Variants in ASPRV1 observed in about 807,000 individuals in gnomAD.
The protein encoded by ASPRV1 is aspartic peptidase retroviral like 1, also known as retroviral-like aspartic protease 1.
ASPRV1 carries 7 observed loss-of-function variants against 11.0 expected under a neutral mutation model. The ratio of observed to expected loss-of-function variants is 0.64; its 90% CI spans 0.36 to 1.20. ASPRV1 has a LOEUF of 1.20. Ranked by LOEUF, ASPRV1 falls within the 50% of genes most tolerant of loss-of-function variation. The probability of loss-of-function intolerance (pLI) is 0.02; values close to 1 mark genes in which losing one functional copy is unlikely to be tolerated. For missense variants in ASPRV1, 299 were observed against 320.0 expected (o/e 0.93, Z 0.50); for synonymous variants, 136 against 138.4 (o/e 0.98, Z 0.12).
the ASPRV1 span, chr2:70,018,029 A>G: frequency 6.6e-6 from 1 of 151,956 alleles, no homozygotes; most frequent in Non-Finnish European, 1.5e-5. Flanking sequence ...AGTCCCGGCT[A>G]CTCAGGAGGC....
At chr2:69,979,256 A>G in the ASPRV1 span, among the ~76,000 whole-genome samples, 1 of 152,086 alleles carries the variant, frequency 6.6e-6, no homozygotes, top group Non-Finnish European at 1.5e-5. Context: ...GATGGTCTCA[A>G]TCTCCTGACC....
the ASPRV1 span, among the ~76,000 whole-genome samples, chr2:70,032,595 C>T: frequency 6.6e-6 from 1 of 151,986 alleles, no homozygotes; most frequent in Non-Finnish European, 1.5e-5. Context: ...GAGGTTAAGG[C>T]TACAGTAAGC....
chr2:70,024,637 C>T, the ASPRV1 span, among the ~76,000 whole-genome samples: 26 of 152,312 alleles, frequency 1.7e-4, no homozygotes, highest in South Asian at 3.1e-3. Flanking sequence ...CTTCTTCTCC[C>T]TCTTTCTCAA....
the ASPRV1 span, chr2:70,011,743 A>G: frequency 6.6e-6 from 1 of 152,308 alleles, no homozygotes; most frequent in East Asian, 1.9e-4. Context: ...GAGATTTGGG[A>G]GCTGTCAGCC....
the ASPRV1 span, among the ~76,000 whole-genome samples, chr2:70,040,843 C>T: frequency 2.0e-3 from 307 of 152,222 alleles, 1 homozygote; most frequent in African/African-American, 7.1e-3. Context: ...CAAAACTAAA[C>T]TAAACTAAAC....
At chr2:69,994,859 G>A in the ASPRV1 span, among the ~76,000 whole-genome samples, 14 of 151,370 alleles carry the variant, frequency 9.2e-5, no homozygotes, top group Non-Finnish European at 1.6e-4. Flanking sequence ...AAAATTAGCT[G>A]GGCGTGGTGG....
chr2:70,083,520 T>C, the ASPRV1 span: 1 of 152,198 alleles, frequency 6.6e-6, no homozygotes, highest in Non-Finnish European at 1.5e-5. Flanking sequence ...CTTAGCCTTG[T>C]TAAACCCCTC....
chr2:70,048,261 A>T, the ASPRV1 span, among the ~76,000 whole-genome samples: 10 of 150,136 alleles, frequency 6.7e-5, no homozygotes, highest in African/African-American at 2.2e-4. Flanking sequence ...TAAAAATACA[A>T]AAAATTAGCC....
chr2:69,971,080 T>G, the ASPRV1 span: 1 of 152,256 alleles, frequency 6.6e-6, no homozygotes, highest in South Asian at 2.1e-4. Flanking sequence ...GGCAGGAGAA[T>G]TGCTTGAACC....
the ASPRV1 span, among the ~76,000 whole-genome samples, chr2:69,935,175 A>G: frequency 6.6e-6 from 1 of 152,172 alleles, no homozygotes; most frequent in Non-Finnish European, 1.5e-5. Context: ...TTTGCTTCTC[A>G]TTGGTTTTCA....
the ASPRV1 span, among the ~76,000 whole-genome samples, chr2:69,989,326 G>C: frequency 6.6e-6 from 1 of 152,250 alleles, no homozygotes; most frequent in Admixed American, 6.5e-5. Context: ...TAATGTCCCA[G>C]CCTATTTTCT....
chr2:69,961,013 C>A lies in ASPRV1; in HGVS notation c.424G>T (p.Glu142Ter), dbSNP rs1014974080. 1 of 1,614,014 alleles carries A rather than the reference C, an allele frequency of 6.2e-7. No homozygotes were observed. Among genetic ancestry groups the A allele is most frequent in the Non-Finnish European group, 8.5e-7 (1 of 1,180,016 alleles). Reference sequence around the variant, plus strand: ...TCCAGATCGCCATCAGTGACCTCCTCCCACAAGTTTGGGTGGACCACAGAG... The same window carrying A: ...TCCAGATCGCCATCAGTGACCTCCTACCACAAGTTTGGGTGGACCACAGAG... ...QVSVVHPNLW[E>*]EVTDGDLDTL... Residue 142 changes from glutamate to a stop codon, truncating the protein, a stop_gained, in exon 1 of 1, where the codon GAG becomes TAG. Coordinates refer to ENST00000320256, the MANE Select transcript of ASPRV1 (RefSeq NM_152792.4). LOFTEE classifies it high-confidence loss of function.
the ASPRV1 span, among the ~76,000 whole-genome samples, chr2:70,067,902 A>G: frequency 1.3e-5 from 2 of 152,222 alleles, no homozygotes; most frequent in East Asian, 1.9e-4. Flanking sequence ...TTTTTCAAAA[A>G]GATTGGGCAG....
the ASPRV1 span, among the ~76,000 whole-genome samples, chr2:70,085,173 G>C: frequency 3.9e-5 from 6 of 152,180 alleles, no homozygotes; most frequent in Non-Finnish European, 8.8e-5. Context: ...GGAGGCAAGA[G>C]TCAAGCCCAT....
At chr2:70,019,096 G>A in the ASPRV1 span, 7 of 152,152 alleles carry the variant, frequency 4.6e-5, no homozygotes, top group Admixed American at 6.6e-5. Context: ...GTTTTAAAAT[G>A]ATCAAAGGAC....
the ASPRV1 span, among the ~76,000 whole-genome samples, chr2:69,977,711 C>A: frequency 2.6e-5 from 4 of 152,162 alleles, no homozygotes; most frequent in Non-Finnish European, 4.4e-5. Flanking sequence ...GTCAATATAA[C>A]CCCAATTCTG....
the ASPRV1 span, among the ~76,000 whole-genome samples, chr2:70,057,261 GAAAA>G: frequency 6.6e-6 from 1 of 151,208 alleles, no homozygotes; most frequent in South Asian, 2.1e-4. Context: ...AAGAAAGAAA[GAAAA>G]AGAAAATTTT....
At chr2:70,005,486 TAC>T in the ASPRV1 span, among the ~76,000 whole-genome samples, 1 of 152,244 alleles carries the variant, frequency 6.6e-6, no homozygotes, top group South Asian at 2.1e-4. Flanking sequence ...TTATTAAAGT[TAC>T]AGATTTTCTT....
the ASPRV1 span, among the ~76,000 whole-genome samples, chr2:69,944,662 G>A: frequency 6.7e-6 from 1 of 149,760 alleles, no homozygotes; most frequent in Admixed American, 6.6e-5. Context: ...TTAAGCCTTT[G>A]AACGAGGCTA....
Sources: gnomAD v4.1 joint callset for allele counts (sites outside exome capture counted in the v4.1 genomes callset) on GRCh38, gnomAD v4.1.1 for gene constraint, MANE v1.5 for transcripts, NCBI Gene and HGNC (gene_info 2026-07-23, HGNC 2026-07-21) for gene names.